Variants in TRMT11 observed in about 807,000 individuals in gnomAD.
TRMT11 encodes tRNA (guanine(10)-N(2))-methyltransferase TRMT11.
Under a neutral mutation model 62.8 loss-of-function variants are expected in TRMT11, and 53 were observed. The observed-to-expected ratio is 0.84, with a 90% CI of 0.68 to 1.06. The LOEUF is 1.06. TRMT11 is among the 50% of genes least tolerant of loss of function. The probability of loss-of-function intolerance (pLI) is 0.00; values close to 1 mark genes in which losing one functional copy is unlikely to be tolerated. For synonymous variants in TRMT11, 188 were observed against 190.3 expected (o/e 0.99, Z 0.10); for missense variants, 556 against 553.4 (o/e 1.00, Z -0.05).
At chr6:126,038,583 G>A (rs778299315) in intron 12 of TRMT11, 122 bp from the exon 13 acceptor site, 33 of 717,942 alleles carry the variant, frequency 4.6e-5, no homozygotes, top group Non-Finnish European at 6.4e-5. Context: ...AAGTAGTGAA[G>A]GAAGATAAAT....
At chr6:126,199,237 A>G (rs1243057147) in intron 2 of TRMT11, among the ~76,000 whole-genome samples, 1 of 152,218 alleles carries the variant, frequency 6.6e-6, no homozygotes, top group African/African-American at 2.4e-5. Flanking sequence ...ACCTGATGTC[A>G]TGAGCACCTG....
At chr6:126,080,714 C>T (rs112862521) in intron 17 of TRMT11, among the ~76,000 whole-genome samples, 5 of 152,180 alleles carry the variant, frequency 3.3e-5, no homozygotes, top group South Asian at 4.1e-4. Flanking sequence ...AAACTACTCA[C>T]GGTAGCCCAC....
chr6:126,122,426 T>TAGAAAGC (rs1173143081), intron 21 of TRMT11, among the ~76,000 whole-genome samples: 1 of 152,092 alleles, frequency 6.6e-6, no homozygotes, highest in Non-Finnish European at 1.5e-5. Context: ...AGGAAGGTCA[T>TAGAAAGC]AGAAAGCAGA....
At chr6:125,987,040 G>A in intron 1 of TRMT11, 1 of 178,818 alleles carries the variant, frequency 5.6e-6, no homozygotes, top group African/African-American at 2.4e-5. Context: ...GTTGAGAAGA[G>A]TGTTTTATTT....
intron 21 of TRMT11, among the ~76,000 whole-genome samples, chr6:126,162,140 C>T (rs1316881200): frequency 6.6e-6 from 1 of 152,132 alleles, no homozygotes; most frequent in African/African-American, 2.4e-5. Flanking sequence ...TTGCCCATGC[C>T]TATGTCCTGA....
intron 11 of TRMT11, among the ~76,000 whole-genome samples, chr6:126,018,452 C>A (rs1795302308): frequency 6.6e-6 from 1 of 151,280 alleles, no homozygotes; most frequent in Admixed American, 6.6e-5. Flanking sequence ...AATCTAGGGG[C>A]CTATGTACAC....
chr6:126,136,787 CAT>C (rs1777855179), intron 21 of TRMT11, among the ~76,000 whole-genome samples: 1 of 151,542 alleles, frequency 6.6e-6, no homozygotes, highest in South Asian at 2.1e-4. Flanking sequence ...AAAACAGAGA[CAT>C]AGACCAATGG....
At chr6:126,046,829 A>G (rs562670398) in intron 16 of TRMT11, among the ~76,000 whole-genome samples, 1 of 152,310 alleles carries the variant, frequency 6.6e-6, no homozygotes, top group African/African-American at 2.4e-5. Context: ...TTGCATCTGA[A>G]TATATAGCAG....
the TRMT11 span, among the ~76,000 whole-genome samples, chr6:126,218,736 A>T: frequency 3.3e-5 from 5 of 152,270 alleles, no homozygotes; most frequent in African/African-American, 9.6e-5. Context: ...CCATTTTCTC[A>T]CTAGGTCATG....
At chr6:126,097,784 A>G (rs777836672) in intron 17 of TRMT11, among the ~76,000 whole-genome samples, 4 of 151,966 alleles carry the variant, frequency 2.6e-5, no homozygotes, top group African/African-American at 7.3e-5. Flanking sequence ...AACTCTTTCT[A>G]TCTTTATATT....
the TRMT11 span, among the ~76,000 whole-genome samples, chr6:126,213,394 A>G: frequency 6.6e-6 from 1 of 152,014 alleles, no homozygotes; most frequent in Non-Finnish European, 1.5e-5. Flanking sequence ...TGTTTCTTCT[A>G]ATCCAAGAAC....
At chr6:125,996,061 C>T (rs1562238815) in intron 3 of TRMT11, 21 bp downstream of exon 3, 4 of 1,520,700 alleles carry the variant, frequency 2.6e-6, no homozygotes, top group South Asian at 1.1e-5. Context: ...CTTATGTTCT[C>T]CTGCATGAAT....
chr6:126,219,939 G>T, the TRMT11 span, among the ~76,000 whole-genome samples: 1 of 152,168 alleles, frequency 6.6e-6, no homozygotes, highest in Non-Finnish European at 1.5e-5. Flanking sequence ...TGTGGTAACA[G>T]CCCCCCAAAT....
chr6:126,221,755 T>C, the TRMT11 span, among the ~76,000 whole-genome samples: 1 of 152,196 alleles, frequency 6.6e-6, no homozygotes, highest in African/African-American at 2.4e-5. Flanking sequence ...TTTTGCTGCA[T>C]ACTCTGCTGA....
intron 21 of TRMT11, among the ~76,000 whole-genome samples, chr6:126,126,236 CATT>C (rs1167674738): frequency 6.6e-6 from 1 of 152,086 alleles, no homozygotes; most frequent in Non-Finnish European, 1.5e-5. Flanking sequence ...AGACATGAGA[CATT>C]ATATTTTTCC....
rs762700867 is a variant in TRMT11 at position 126,038,785 on chromosome 6, T to A, written c.1341T>A (p.Phe447Leu). The stretch of plus-strand genomic sequence containing the variant: ...ATAATTCCTTCCGTGAGAAATATTT[T>A]AGTGGGGTAACAAAAAGAATTGCCA... ...QGHNSFREKY[F>L]SGVTKRIAKE... Residue 447 changes from phenylalanine to leucine, a missense_variant, in exon 13 of 13, where the codon TTT (phenylalanine) becomes TTA (leucine). By Grantham distance (22) the Phe-to-Leu change is conservative. Coordinates refer to ENST00000334379, the MANE Select transcript of TRMT11 (RefSeq NM_001031712.3). 3.1e-6 allele frequency: 5 copies of A among 1,606,762 alleles called. No homozygotes were observed.
chr6:126,247,625 T>C, the TRMT11 span, among the ~76,000 whole-genome samples: 2 of 149,410 alleles, frequency 1.3e-5, no homozygotes, highest in African/African-American at 4.9e-5. Flanking sequence ...AAAGACTTAC[T>C]GGAAATTTAG....
At chr6:126,063,775 T>C (rs1776605776) in intron 17 of TRMT11, among the ~76,000 whole-genome samples, 1 of 152,162 alleles carries the variant, frequency 6.6e-6, no homozygotes, top group East Asian at 1.9e-4. Context: ...CTCTGAGCCA[T>C]GGAAAAATAA....
At chr6:126,138,995 A>T (rs938192415) in intron 21 of TRMT11, among the ~76,000 whole-genome samples, 3 of 152,024 alleles carry the variant, frequency 2.0e-5, no homozygotes, top group Non-Finnish European at 2.9e-5. Context: ...CAGTTCTCAT[A>T]AATATTAACC....
Sources: allele counts gnomAD v4.1 joint callset (sites outside exome capture counted in the v4.1 genomes callset), GRCh38; gene constraint gnomAD v4.1.1; transcripts MANE v1.5; gene names NCBI Gene and HGNC (gene_info 2026-07-23, HGNC 2026-07-21).